The following BAZ2B variants were observed in gnomAD, a reference collection of about 807,000 sequenced individuals.
The protein encoded by BAZ2B is bromodomain adjacent to zinc finger domain 2B.
BAZ2B carries 91 observed loss-of-function variants against 246.0 expected under a neutral mutation model. That is an observed-to-expected ratio of 0.37 (90% CI 0.31 to 0.44). The LOEUF (loss-of-function observed/expected upper bound fraction) is 0.44. Ranked by LOEUF, BAZ2B falls within the 20% of genes least tolerant of loss-of-function variation. The probability of loss-of-function intolerance (pLI) is 1.00; values close to 1 mark genes in which losing one functional copy is unlikely to be tolerated. For missense variants in BAZ2B, 2,332 were observed against 2,533.7 expected (o/e 0.92, Z 1.71); for synonymous variants, 855 against 860.0 (o/e 0.99, Z 0.10).
the BAZ2B span, chr2:159,693,387 G>C: frequency 6.7e-6 from 1 of 150,054 alleles, no homozygotes; most frequent in East Asian, 2.0e-4. Context: ...CTCAAATGTG[G>C]CCAATTTTGA....
chr2:159,704,630 G>A, the BAZ2B span, among the ~76,000 whole-genome samples: 1,950 of 151,832 alleles, frequency 0.013, 49 homozygotes, highest in African/African-American at 0.044. Context: ...TTACAGGTGT[G>A]CACCACCATG....
chr2:159,364,413 G>A (rs1408205510), intron 27 of BAZ2B, among the ~76,000 whole-genome samples: 1 of 152,120 alleles, frequency 6.6e-6, no homozygotes, highest in Admixed American at 6.6e-5. Context: ...TTCTTTTCGA[G>A]ACAGGGTCTT....
At chr2:159,475,126 C>T (rs1040644108) in intron 3 of BAZ2B, among the ~76,000 whole-genome samples, 4 of 152,066 alleles carry the variant, frequency 2.6e-5, no homozygotes, top group South Asian at 2.1e-4. Context: ...GAAATTCTCC[C>T]GGGTAATATC....
chr2:159,433,902 C>T (rs933963784), intron 8 of BAZ2B: 4 of 153,148 alleles, frequency 2.6e-5, no homozygotes, highest in African/African-American at 9.7e-5. Flanking sequence ...ACCTAACCTA[C>T]CAAACATCAT....
intron 1 of BAZ2B, among the ~76,000 whole-genome samples, chr2:159,564,727 T>C (rs935139549): frequency 3.9e-5 from 6 of 152,072 alleles, no homozygotes; most frequent in African/African-American, 1.4e-4. Context: ...GTAGTGGTAA[T>C]AGTAGTAAGG....
chr2:159,508,224 C>T (rs1305200628), intron 2 of BAZ2B, among the ~76,000 whole-genome samples: 1 of 152,166 alleles, frequency 6.6e-6, no homozygotes, highest in Non-Finnish European at 1.5e-5. Flanking sequence ...ATAGAACTTC[C>T]ATCACAAGTT....
At chr2:159,375,538 C>T (rs1347326567) in intron 25 of BAZ2B, among the ~76,000 whole-genome samples, 1 of 152,032 alleles carries the variant, frequency 6.6e-6, no homozygotes, top group African/African-American at 2.4e-5. Flanking sequence ...CAAAATGATC[C>T]TTTGAGGGTG....
chr2:159,574,090 C>A (rs1192648788), intron 1 of BAZ2B, among the ~76,000 whole-genome samples: 1 of 151,378 alleles, frequency 6.6e-6, no homozygotes, highest in Non-Finnish European at 1.5e-5. Flanking sequence ...CACAGTGAGA[C>A]CCAGACCCTG....
the BAZ2B span, among the ~76,000 whole-genome samples, chr2:159,698,912 A>G: frequency 6.6e-6 from 1 of 152,234 alleles, no homozygotes; most frequent in Non-Finnish European, 1.5e-5. Context: ...TGTCTAAAAC[A>G]TATTAGTACA....
At chr2:159,425,121 C>A (rs2069545866) in intron 13 of BAZ2B, among the ~76,000 whole-genome samples, 1 of 152,138 alleles carries the variant, frequency 6.6e-6, no homozygotes, top group African/African-American at 2.4e-5. Context: ...ACTATGAATT[C>A]TCAGTTTTAT....
At chr2:159,497,679 G>T (rs539447735) in intron 2 of BAZ2B, among the ~76,000 whole-genome samples, 1 of 152,112 alleles carries the variant, frequency 6.6e-6, no homozygotes, top group African/African-American at 2.4e-5. Flanking sequence ...AAGTATACAA[G>T]TTTAAAAAAG....
At chr2:159,705,148 G>C in the BAZ2B span, among the ~76,000 whole-genome samples, 1 of 151,934 alleles carries the variant, frequency 6.6e-6, no homozygotes, top group Admixed American at 6.6e-5. Flanking sequence ...AGCCCCCTAA[G>C]TAGCTTTGAC....
At chr2:159,326,030 T>A in intron 34 of BAZ2B, 112 bp from the exon 35 acceptor site, 2 of 902,196 alleles carry the variant, frequency 2.2e-6, no homozygotes, top group Non-Finnish European at 3.2e-6. Context: ...ATAACTCTGA[T>A]CTAGAATGTT....
chr2:159,655,997 A>G, the BAZ2B span, among the ~76,000 whole-genome samples: 1 of 151,958 alleles, frequency 6.6e-6, no homozygotes, highest in Non-Finnish European at 1.5e-5. Context: ...TTATTTCCAG[A>G]GCATGTCTCA....
chr2:159,609,009 G>A (rs1352051163), intron 1 of BAZ2B, among the ~76,000 whole-genome samples: 3 of 152,064 alleles, frequency 2.0e-5, no homozygotes, highest in African/African-American at 7.2e-5. Context: ...AAATCACTCA[G>A]GTATTCACTT....
intron 6 of BAZ2B, among the ~76,000 whole-genome samples, chr2:159,445,566 T>C (rs2074112088): frequency 6.6e-6 from 1 of 152,206 alleles, no homozygotes; most frequent in Admixed American, 6.5e-5. Flanking sequence ...CTTGCTAAGA[T>C]ACCAGAAAAA....
upstream of BAZ2B, among the ~76,000 whole-genome samples, chr2:159,620,804 G>A (rs1696401861): frequency 6.6e-6 from 1 of 152,142 alleles, no homozygotes; most frequent in South Asian, 2.1e-4. Flanking sequence ...ACAGTAAAAG[G>A]CCTAAGTACC....
intron 10 of BAZ2B, among the ~76,000 whole-genome samples, chr2:159,430,055 A>G (rs1027304999): frequency 9.2e-5 from 14 of 152,198 alleles, no homozygotes; most frequent in Non-Finnish European, 2.1e-4. Context: ...CGTTAATGGA[A>G]TAAGAATGCT....
At chr2:159,528,681 CAAAAAA>C (rs34432207) in intron 2 of BAZ2B, among the ~76,000 whole-genome samples, 1 of 92,414 alleles carries the variant, frequency 1.1e-5, no homozygotes, top group African/African-American at 3.9e-5. Flanking sequence ...AACTCTGTCT[CAAAAAA>C]AAAAAAAAAA....
Sources: allele counts gnomAD v4.1 joint callset (sites outside exome capture counted in the v4.1 genomes callset), GRCh38; gene constraint gnomAD v4.1.1; transcripts MANE v1.5; gene names NCBI Gene and HGNC (gene_info 2026-07-23, HGNC 2026-07-21).